SMIM10L3: variants seen among roughly 807,000 people sequenced by gnomAD.
SMIM10L3 encodes the protein salivary gland specific protein SAGSIN1.
chr7:6,341,168 G>C, the SMIM10L3 span, among the ~76,000 whole-genome samples: 4 of 147,162 alleles, frequency 2.7e-5, no homozygotes, highest in Admixed American at 2.7e-4. Context: ...GTGCTGGCCA[G>C]GCACAGTGGC....
At chr7:6,345,317 G>A in the SMIM10L3 span, among the ~76,000 whole-genome samples, 1 of 151,760 alleles carries the variant, frequency 6.6e-6, no homozygotes. Flanking sequence ...GTCTTGCTGT[G>A]TTGCCCAGGC....
At chr7:6,334,145 CG>C in the SMIM10L3 span, among the ~76,000 whole-genome samples, 1 of 151,726 alleles carries the variant, frequency 6.6e-6, no homozygotes, top group Non-Finnish European at 1.5e-5. Flanking sequence ...CGCACCCAGC[CG>C]AACTCCTGGT....
the SMIM10L3 span, among the ~76,000 whole-genome samples, chr7:6,335,438 G>A: frequency 4.0e-5 from 6 of 151,784 alleles, no homozygotes; most frequent in African/African-American, 1.5e-4. Flanking sequence ...TATGTTGCCA[G>A]GCTGGTCTTG....
the SMIM10L3 span, among the ~76,000 whole-genome samples, chr7:6,346,479 A>G: frequency 6.6e-6 from 1 of 151,828 alleles, no homozygotes; most frequent in Non-Finnish European, 1.5e-5. Context: ...CGATCCTCCC[A>G]CCTCAGCCCC....
the SMIM10L3 span, among the ~76,000 whole-genome samples, chr7:6,337,369 G>A: frequency 9.9e-5 from 15 of 151,502 alleles, no homozygotes; most frequent in East Asian, 2.0e-4. Flanking sequence ...TGATCTACCC[G>A]CCTCAGCCTC....
At chr7:6,333,605 C>T in the SMIM10L3 span, among the ~76,000 whole-genome samples, 3 of 151,254 alleles carry the variant, frequency 2.0e-5, no homozygotes, top group Non-Finnish European at 4.4e-5. Flanking sequence ...CTCAAGCAAT[C>T]CTCCTAATTC....
chr7:6,335,714 C>T, the SMIM10L3 span, among the ~76,000 whole-genome samples: 6 of 152,040 alleles, frequency 3.9e-5, no homozygotes, highest in Non-Finnish European at 5.9e-5. Flanking sequence ...AGAATTGTGA[C>T]CATTATTCTA....
the SMIM10L3 span, among the ~76,000 whole-genome samples, chr7:6,340,283 G>A: frequency 1.3e-5 from 2 of 152,128 alleles, no homozygotes; most frequent in African/African-American, 2.4e-5. Flanking sequence ...CCCAGCTGCT[G>A]TCGATCAGAA....
At chr7:6,330,526 C>T in the SMIM10L3 span, 56 of 1,614,106 alleles carry the variant, frequency 3.5e-5, no homozygotes, top group South Asian at 9.9e-5. Flanking sequence ...AAGGAAAATG[C>T]GTTTTGTCTC....
At chr7:6,348,924 T>G in the SMIM10L3 span, 1 of 383,518 alleles carries the variant, frequency 2.6e-6, no homozygotes, top group East Asian at 3.8e-5. Flanking sequence ...CTCGGAGAAG[T>G]GCCTCCGCGA....
At chr7:6,348,379 C>T in the SMIM10L3 span, among the ~76,000 whole-genome samples, 207 of 152,326 alleles carry the variant, frequency 1.4e-3, no homozygotes, top group African/African-American at 4.8e-3. Flanking sequence ...AACCTGACCC[C>T]CAGTGCCGCG....
chr7:6,336,416 C>T, the SMIM10L3 span, among the ~76,000 whole-genome samples: 1 of 152,070 alleles, frequency 6.6e-6, no homozygotes, highest in African/African-American at 2.4e-5. Context: ...CACGGTGGCT[C>T]ATGCCTGTAA....
chr7:6,338,838 T>G, the SMIM10L3 span: 4 of 152,316 alleles, frequency 2.6e-5, no homozygotes, highest in African/African-American at 9.6e-5. Context: ...GAAAGAGGTC[T>G]GGCAAGGCTA....
chr7:6,336,232 G>A, the SMIM10L3 span, among the ~76,000 whole-genome samples: 1 of 151,454 alleles, frequency 6.6e-6, no homozygotes, highest in African/African-American at 2.4e-5. Flanking sequence ...TGTAGTCCCA[G>A]TCACTTGAGA....
At chr7:6,332,932 G>C in the SMIM10L3 span, among the ~76,000 whole-genome samples, 5 of 152,124 alleles carry the variant, frequency 3.3e-5, no homozygotes, top group Non-Finnish European at 7.4e-5. Flanking sequence ...AGGCCAAGGC[G>C]GACAAATCAT....
the SMIM10L3 span, among the ~76,000 whole-genome samples, chr7:6,336,840 G>A: frequency 6.6e-6 from 1 of 152,082 alleles, no homozygotes; most frequent in East Asian, 1.9e-4. Context: ...ATTTTGTGTA[G>A]AGACAATGTT....
the SMIM10L3 span, among the ~76,000 whole-genome samples, chr7:6,342,961 C>T: frequency 6.6e-6 from 1 of 151,346 alleles, no homozygotes; most frequent in Non-Finnish European, 1.5e-5. Flanking sequence ...GGCTTGAGTC[C>T]AGGAGCTGGA....
the SMIM10L3 span, among the ~76,000 whole-genome samples, chr7:6,332,456 A>G: frequency 1.3e-5 from 2 of 152,154 alleles, no homozygotes; most frequent in Admixed American, 6.6e-5. Context: ...TTGTAACATC[A>G]TATTAGTTCC....
chr7:6,339,860 G>A, the SMIM10L3 span, among the ~76,000 whole-genome samples: 2 of 151,672 alleles, frequency 1.3e-5, no homozygotes, highest in African/African-American at 4.8e-5. Context: ...AGTGTGCAGA[G>A]GCCGGGTGCC....
Sources: allele counts gnomAD v4.1 joint callset (sites outside exome capture counted in the v4.1 genomes callset), GRCh38; gene constraint gnomAD v4.1.1; transcripts MANE v1.5; gene names NCBI Gene and HGNC (gene_info 2026-07-23, HGNC 2026-07-21).